The following PRELID2 variants were observed in gnomAD, a reference collection of about 807,000 sequenced individuals.
The protein encoded by PRELID2 is PRELI domain containing 2, also known as PRELI domain-containing protein 2.
PRELID2 carries 25 observed loss-of-function variants against 28.4 expected under a neutral mutation model. The ratio of observed to expected loss-of-function variants is 0.88; its 90% CI spans 0.64 to 1.23. The LOEUF (loss-of-function observed/expected upper bound fraction) is 1.23, where lower values mean the gene tolerates loss of function less well. PRELID2 is among the 50% of genes most tolerant of loss of function. PRELID2 has a pLI of 0.00. For missense variants in PRELID2, 201 were observed against 214.4 expected, an observed-to-expected ratio of 0.94 and a Z score of 0.39; for synonymous variants, 76 against 71.6, an observed-to-expected ratio of 1.06 and a Z score of -0.31.
chr5:145,469,654 T>C (rs943673749), downstream of PRELID2, among the ~76,000 whole-genome samples: 3 of 152,130 alleles, frequency 2.0e-5, no homozygotes, highest in Non-Finnish European at 4.4e-5. Flanking sequence ...GCTGTAAGAT[T>C]ACTTGTGATG....
intron 1 of PRELID2, among the ~76,000 whole-genome samples, chr5:145,731,415 C>A (rs1445661705): frequency 6.6e-6 from 1 of 152,174 alleles, no homozygotes; most frequent in Non-Finnish European, 1.5e-5. Context: ...ATTCACCCAT[C>A]AAAGTGGTCT....
intron 1 of PRELID2, among the ~76,000 whole-genome samples, chr5:145,741,322 AATT>A (rs1756725027): frequency 2.5e-5 from 1 of 40,678 alleles, no homozygotes; most frequent in Non-Finnish European, 5.0e-5. Context: ...TTTATAAATA[AATT>A]ATTTATATAT....
chr5:145,711,175 T>C (rs1197325784), intron 1 of PRELID2, among the ~76,000 whole-genome samples: 2 of 152,166 alleles, frequency 1.3e-5, no homozygotes, highest in Admixed American at 1.3e-4. Context: ...ACAAAAATCA[T>C]GTTTAGAATT....
intron 1 of PRELID2, among the ~76,000 whole-genome samples, chr5:145,703,203 C>G (rs1755454737): frequency 6.6e-6 from 1 of 152,196 alleles, no homozygotes; most frequent in Non-Finnish European, 1.5e-5. Flanking sequence ...TTAATTGTAT[C>G]AGATAGGAAT....
intron 1 of PRELID2, among the ~76,000 whole-genome samples, chr5:145,596,691 A>T (rs1157295013): frequency 6.6e-6 from 1 of 152,174 alleles, no homozygotes; most frequent in South Asian, 2.1e-4. Flanking sequence ...CTGCGCAATC[A>T]GAACCTAAAC....
the PRELID2 span, among the ~76,000 whole-genome samples, chr5:145,366,795 G>T: frequency 6.6e-6 from 1 of 151,928 alleles, no homozygotes; most frequent in African/African-American, 2.4e-5. Flanking sequence ...GACACAGGAT[G>T]AGAGATATCC....
chr5:145,582,838 C>A (rs958288229), intron 1 of PRELID2, among the ~76,000 whole-genome samples: 1 of 151,990 alleles, frequency 6.6e-6, no homozygotes. Flanking sequence ...CAGGACCAGA[C>A]AGATTTATAG....
downstream of PRELID2, among the ~76,000 whole-genome samples, chr5:145,756,162 T>G (rs577357046): frequency 1.3e-5 from 2 of 152,276 alleles, no homozygotes; most frequent in East Asian, 3.9e-4. Context: ...TGGCCTCTGC[T>G]TATTTCTGGA....
the PRELID2 span, among the ~76,000 whole-genome samples, chr5:145,262,712 A>G: frequency 1.3e-5 from 2 of 152,132 alleles, no homozygotes; most frequent in African/African-American, 4.8e-5. Context: ...ACAAATCCCA[A>G]ATTACACCAA....
chr5:145,549,299 A>C (rs1561504100), intron 1 of PRELID2, among the ~76,000 whole-genome samples: 1 of 152,204 alleles, frequency 6.6e-6, no homozygotes, highest in African/African-American at 2.4e-5. Flanking sequence ...TGGGACAAAG[A>C]GGGTATTTAA....
intron 1 of PRELID2, among the ~76,000 whole-genome samples, chr5:145,559,805 T>C (rs1752911038): frequency 7.2e-6 from 1 of 138,724 alleles, no homozygotes; most frequent in South Asian, 2.3e-4. Flanking sequence ...AAAGAGAAGA[T>C]ACTGAATATA....
the PRELID2 span, among the ~76,000 whole-genome samples, chr5:145,325,311 T>C: frequency 1.3e-5 from 2 of 152,178 alleles, no homozygotes; most frequent in African/African-American, 4.8e-5. Flanking sequence ...ACAGGGCAAA[T>C]GCTTTGGAGA....
chr5:145,275,786 G>A, the PRELID2 span, among the ~76,000 whole-genome samples: 31 of 152,176 alleles, frequency 2.0e-4, 1 homozygote, highest in South Asian at 4.1e-4. Context: ...ACTAGAGCTC[G>A]GTTCAGACTT....
the PRELID2 span, among the ~76,000 whole-genome samples, chr5:145,242,707 A>T: frequency 6.6e-6 from 1 of 152,088 alleles, no homozygotes; most frequent in Non-Finnish European, 1.5e-5. Flanking sequence ...CATAGAAAAG[A>T]ACAACTAAAT....
At chr5:145,411,112 C>T in the PRELID2 span, among the ~76,000 whole-genome samples, 45 of 152,234 alleles carry the variant, frequency 3.0e-4, no homozygotes, top group East Asian at 3.9e-4. Context: ...AAGACATACC[C>T]GAGATTGGGT....
At chr5:145,305,172 A>G in the PRELID2 span, among the ~76,000 whole-genome samples, 1 of 152,200 alleles carries the variant, frequency 6.6e-6, no homozygotes, top group Admixed American at 6.5e-5. Flanking sequence ...AGGAGAGGGT[A>G]GGAGCAAATT....
intron 1 of PRELID2, among the ~76,000 whole-genome samples, chr5:145,745,590 G>A (rs1008256311): frequency 4.6e-5 from 7 of 152,138 alleles, no homozygotes; most frequent in Non-Finnish European, 8.8e-5. Flanking sequence ...GGCCAGGTAC[G>A]GTGGCTCATG....
the PRELID2 span, among the ~76,000 whole-genome samples, chr5:145,326,842 G>T: frequency 6.6e-6 from 1 of 151,888 alleles, no homozygotes; most frequent in Non-Finnish European, 1.5e-5. Context: ...GAAAAAAAAA[G>T]AAACTGATGC....
chr5:145,552,255 C>T (rs1752842342), intron 1 of PRELID2, among the ~76,000 whole-genome samples: 1 of 152,096 alleles, frequency 6.6e-6, no homozygotes. Flanking sequence ...TTTGGTCATT[C>T]ATCATCCATG....
Sources: gnomAD v4.1 joint callset for allele counts (sites outside exome capture counted in the v4.1 genomes callset) on GRCh38, gnomAD v4.1.1 for gene constraint, MANE v1.5 for transcripts, NCBI Gene and HGNC (gene_info 2026-07-23, HGNC 2026-07-21) for gene names.